Variants in RUNX2 observed in about 807,000 individuals in gnomAD.
RUNX2 encodes RUNX family transcription factor 2, also known as runt-related transcription factor 2.
Under a neutral mutation model 51.7 loss-of-function variants are expected in RUNX2, and 10 were observed. That is an observed-to-expected ratio of 0.19 (90% CI 0.12 to 0.33). The LOEUF (loss-of-function observed/expected upper bound fraction) is 0.33. Ranked by LOEUF, RUNX2 falls within the 10% of genes least tolerant of loss-of-function variation. The pLI is 1.00. For missense variants in RUNX2, 562 were observed against 691.3 expected, an observed-to-expected ratio of 0.81 and a Z score of 2.10; for synonymous variants, 276 against 273.6, an observed-to-expected ratio of 1.01 and a Z score of -0.09.
chr6:45,539,327 A>G (rs1340436744), intron 7 of RUNX2, among the ~76,000 whole-genome samples: 5 of 152,200 alleles, frequency 3.3e-5, no homozygotes. Context: ...ACAATTCATT[A>G]CAACACAGAA....
chr6:45,437,909 TA>T (rs768818171), intron 4 of RUNX2, 37 bp from the exon 5 acceptor site: 1 of 1,412,696 alleles, frequency 7.1e-7, no homozygotes, highest in African/African-American at 1.4e-5. Context: ...CACTGTTTTT[TA>T]ATATTCACTG....
intron 2 of RUNX2, among the ~76,000 whole-genome samples, chr6:45,380,285 T>C (rs1032558744): frequency 3.7e-4 from 57 of 152,350 alleles, no homozygotes; most frequent in African/African-American, 1.3e-3. Context: ...TTCCAAGGCA[T>C]GTGGGGAAAA....
chr6:45,378,912 C>G (rs1333076439), intron 2 of RUNX2, among the ~76,000 whole-genome samples: 1 of 152,132 alleles, frequency 6.6e-6, no homozygotes, highest in East Asian at 1.9e-4. Context: ...CCATGCTCAC[C>G]TTCACACCTG....
chr6:45,330,537 A>G (rs1354858029), intron 2 of RUNX2, among the ~76,000 whole-genome samples: 1 of 152,006 alleles, frequency 6.6e-6, no homozygotes, highest in Non-Finnish European at 1.5e-5. Flanking sequence ...CACAAGTTTC[A>G]AAAAATTCTT....
intron 7 of RUNX2, among the ~76,000 whole-genome samples, chr6:45,543,164 G>A (rs944394542): frequency 5.3e-5 from 8 of 152,118 alleles, no homozygotes; most frequent in African/African-American, 1.9e-4. Context: ...CCCAAGTTGA[G>A]TAAAACCAAC....
intron 6 of RUNX2, among the ~76,000 whole-genome samples, chr6:45,492,435 G>T (rs955348339): frequency 6.6e-6 from 1 of 152,108 alleles, no homozygotes; most frequent in Admixed American, 6.5e-5. Flanking sequence ...TGGTGCAGGG[G>T]ATAACATCAC....
At chr6:45,477,911 T>G (rs1468236543) in intron 5 of RUNX2, among the ~76,000 whole-genome samples, 1 of 152,062 alleles carries the variant, frequency 6.6e-6, no homozygotes, top group Non-Finnish European at 1.5e-5. Context: ...ACAAGGCCCT[T>G]CAGCATCTGC....
rs754172355 is a variant in RUNX2 at position 45,491,933 on chromosome 6, A to G, written c.686-8A>G. 4 of 1,613,680 alleles carry G rather than the reference A, an allele frequency of 2.5e-6. No individual in the cohort carries two copies. The highest frequency in any genetic ancestry group is 2.2e-5 in the East Asian group (1 of 44,884). Reference sequence around the variant, plus strand: ...ATATGCTTTTATTTTATGATTTGCTATTTCCAGGGCACAGACAGAAGCTTG... The same window carrying G: ...ATATGCTTTTATTTTATGATTTGCTGTTTCCAGGGCACAGACAGAAGCTTG... On this transcript the variant is annotated splice_region_variant and splice_polypyrimidine_tract_variant and intron_variant, in intron 5 of 8. Coordinates refer to ENST00000647337, the MANE Select transcript of RUNX2 (RefSeq NM_001024630.4).
At chr6:45,363,554 G>A (rs1437246134) in intron 2 of RUNX2, among the ~76,000 whole-genome samples, 1 of 151,948 alleles carries the variant, frequency 6.6e-6, no homozygotes, top group Admixed American at 6.6e-5. Context: ...CAGCTCTACA[G>A]AAAATGAATT....
intron 2 of RUNX2, among the ~76,000 whole-genome samples, chr6:45,364,617 C>T (rs992822785): frequency 7.2e-5 from 11 of 152,082 alleles, no homozygotes; most frequent in African/African-American, 2.7e-4. Flanking sequence ...TCACTTAATG[C>T]AAGAAACCAG....
chr6:45,394,386 C>T (rs955295977), intron 2 of RUNX2, among the ~76,000 whole-genome samples: 1 of 151,888 alleles, frequency 6.6e-6, no homozygotes, highest in Non-Finnish European at 1.5e-5. Flanking sequence ...GACAAGCATC[C>T]AAGCCATATC....
intron 7 of RUNX2, among the ~76,000 whole-genome samples, chr6:45,515,909 T>C (rs1438977515): frequency 6.6e-6 from 1 of 152,108 alleles, no homozygotes; most frequent in East Asian, 1.9e-4. Context: ...ACCAGAAAGA[T>C]CCACCAGAAA....
Position 45,550,770 on chromosome 6 carries a change from T to C in RUNX2, c.*3465T>C, listed in dbSNP as rs1289297838. On this transcript the variant is annotated 3_prime_UTR_variant, in exon 9 of 9. Transcript: ENST00000647337. ...GTATTCTGAATAAAATTCCATTTCT[T>C]TTGGATATGCTTTACCATTCTTAGG... The C allele has an allele frequency of 6.5e-6, 1 of 152,692 alleles. No homozygotes were observed. The highest frequency in any genetic ancestry group is 1.5e-5 in the Non-Finnish European group (1 of 68,044). The allele number at this position is 152,692 out of a possible 1,614,324, so 9.5% of individuals were successfully genotyped here.
At position 45,445,830 on chromosome 6, in the gene RUNX2, G is replaced by A. The variant is rs114028374; in HGVS notation, c.685+7779G>A. ...TTTCTTCAAGAAGGATGAGGGGGGC[G>A]GGGGGATGGGTCAGAAGCGCTGGTG... is the stretch of plus-strand genomic sequence containing the variant. On this transcript the variant is annotated intron_variant, in intron 5 of 8. Transcript: ENST00000647337. Among the ~76,000 whole-genome samples the A allele has an allele frequency of 2.8e-3, 431 of 152,084 alleles. 4 individuals are homozygous for A. The highest frequency in any genetic ancestry group is 9.7e-3 in the African/African-American group (402 of 41,458).
chr6:45,337,987 T>C (rs1788943882), intron 2 of RUNX2, among the ~76,000 whole-genome samples: 1 of 152,018 alleles, frequency 6.6e-6, no homozygotes, highest in Non-Finnish European at 1.5e-5. Flanking sequence ...GCTTCTTTCA[T>C]ACTCTAATTA....
intron 2 of RUNX2, among the ~76,000 whole-genome samples, chr6:45,414,872 G>A (rs1798032771): frequency 6.7e-6 from 1 of 150,248 alleles, no homozygotes; most frequent in Non-Finnish European, 1.5e-5. Context: ...ATAAGATCAT[G>A]GGATTTCATG....
At chr6:45,357,963 T>C (rs1472245891) in intron 2 of RUNX2, among the ~76,000 whole-genome samples, 1 of 152,100 alleles carries the variant, frequency 6.6e-6, no homozygotes, top group Non-Finnish European at 1.5e-5. Flanking sequence ...TTATTATTCA[T>C]ACTTTCTAAA....
At chr6:45,370,389 GA>G (rs372520355) in intron 2 of RUNX2, among the ~76,000 whole-genome samples, 68 of 145,750 alleles carry the variant, frequency 4.7e-4, no homozygotes, top group Non-Finnish European at 8.3e-4. Context: ...GACTGGGAAG[GA>G]AAAAAAAAAC....
At chr6:45,367,882 C>A (rs1004842310) in intron 2 of RUNX2, among the ~76,000 whole-genome samples, 9 of 152,100 alleles carry the variant, frequency 5.9e-5, no homozygotes, top group African/African-American at 2.2e-4. Context: ...TTTTTCTTGA[C>A]ATGATGAGCT....
Sources: allele counts gnomAD v4.1 joint callset (sites outside exome capture counted in the v4.1 genomes callset), GRCh38; gene constraint gnomAD v4.1.1; transcripts MANE v1.5; gene names NCBI Gene and HGNC (gene_info 2026-07-23, HGNC 2026-07-21).